CACNB2: variants seen among roughly 807,000 people sequenced by gnomAD.
CACNB2 encodes the protein calcium voltage-gated channel auxiliary subunit beta 2, also known as voltage-dependent L-type calcium channel subunit beta-2.
Under a neutral mutation model 73.3 loss-of-function variants are expected in CACNB2, and 42 were observed. The observed-to-expected ratio is 0.57, with a 90% CI of 0.45 to 0.74. CACNB2 has a LOEUF of 0.74. Ranked by LOEUF, CACNB2 falls within the 30% of genes least tolerant of loss-of-function variation. The pLI, the probability that CACNB2 is intolerant of heterozygous loss-of-function variation, is 0.00. For synonymous variants in CACNB2, 348 were observed against 310.3 expected (o/e 1.12, Z -1.28); for missense variants, 940 against 853.0 (o/e 1.10, Z -1.27).
At position 18,474,018 on chromosome 10, in the gene CACNB2, C is replaced by T. The variant is rs1028307195; in HGVS notation, c.334-24337C>T. On this transcript the variant is annotated intron_variant, in intron 3 of 13. Transcript: ENST00000324631. ...TTAAAATGCGAGGGTTGGATTTGCT[C>T]GCTAAGAGCTCTTTTATCTCTAATA... Among the ~76,000 whole-genome samples, 10 of 152,236 alleles carry T rather than the reference C, an allele frequency of 6.6e-5. No individual in the cohort carries two copies. In the East Asian group the frequency reaches 9.7e-4, roughly 15 times the overall value.
intron 2 of CACNB2, among the ~76,000 whole-genome samples, chr10:18,399,603 G>T (rs755984858): frequency 1.3e-5 from 2 of 151,958 alleles, no homozygotes; most frequent in Non-Finnish European, 2.9e-5. Context: ...GGCTGGTCTC[G>T]AACTCATGGG....
chr10:18,446,875 G>A (rs922354633), intron 3 of CACNB2, among the ~76,000 whole-genome samples: 20 of 151,976 alleles, frequency 1.3e-4, no homozygotes, highest in Non-Finnish European at 2.8e-4. Flanking sequence ...GACCATTTTG[G>A]GCAATACAGT....
chr10:18,527,621 G>T lies in CACNB2; in HGVS notation c.978G>T (p.Ser326=), dbSNP rs753506761. The T allele has an allele frequency of 6.2e-7, 1 of 1,613,860 alleles. No homozygotes were observed. The highest frequency in any genetic ancestry group is 8.5e-7 in the Non-Finnish European group (1 of 1,179,894). ...TCACAAGGGTCACCGCTGACATCTC[G>T]CTTGCCAAACGCTCGGTATTAAACA... The part of the protein sequence containing the change: ...ISITRVTADI[S]LAKRSVLNNP... Residue 326 remains serine, a synonymous_variant, in exon 10 of 14, where the codon TCG becomes TCT. Transcript: ENST00000324631.
chr10:18,360,972 T>C (rs1408653730), intron 2 of CACNB2, among the ~76,000 whole-genome samples: 1 of 152,174 alleles, frequency 6.6e-6, no homozygotes, highest in Non-Finnish European at 1.5e-5. Context: ...TGCTGACCTT[T>C]CTTTTCTGTT....
In CACNB2 at chr10:18,348,007, C is replaced by T. The variant is rs544764938; in HGVS notation, c.214-53917C>T. On this transcript the variant is annotated intron_variant, in intron 2 of 13. Transcript: ENST00000324631. ...GATATCTGGGCATTCTTTTAAAAAACGTGTATATCCACCCAAATATAACAA... is the reference window on the plus strand; with the variant it reads ...GATATCTGGGCATTCTTTTAAAAAATGTGTATATCCACCCAAATATAACAA... Among the ~76,000 whole-genome samples, 116 of 152,232 alleles carry T rather than the reference C, an allele frequency of 7.6e-4. 2 individuals are homozygous for T. Among genetic ancestry groups the T allele is most frequent in the African/African-American group, 2.8e-3 (115 of 41,538 alleles).
intron 9 of CACNB2, among the ~76,000 whole-genome samples, chr10:18,525,350 T>TG (rs546132090): frequency 6.6e-6 from 1 of 152,220 alleles, no homozygotes; most frequent in South Asian, 2.1e-4. Context: ...GGTATATACA[T>TG]GTTTTTTTCA....
At chr10:18,365,930 T>G (rs973375186) in intron 2 of CACNB2, among the ~76,000 whole-genome samples, 8 of 152,158 alleles carry the variant, frequency 5.3e-5, no homozygotes, top group African/African-American at 1.9e-4. Flanking sequence ...CTGTGGAGGG[T>G]AGGAATTCCA....
At chr10:18,291,777 A>G (rs958634264) in intron 2 of CACNB2, among the ~76,000 whole-genome samples, 22 of 152,232 alleles carry the variant, frequency 1.4e-4, no homozygotes, top group African/African-American at 1.9e-4. Context: ...TGTTGATTTT[A>G]TATCTCTTAA....
At chr10:18,489,284 G>C (rs1236125066) in intron 3 of CACNB2, among the ~76,000 whole-genome samples, 1 of 151,298 alleles carries the variant, frequency 6.6e-6, no homozygotes, top group East Asian at 1.9e-4. Context: ...CAGCTACTCA[G>C]TGGGCTGAGG....
intron 3 of CACNB2, among the ~76,000 whole-genome samples, chr10:18,453,955 A>G (rs755013683): frequency 4.6e-5 from 7 of 152,112 alleles, no homozygotes; most frequent in Non-Finnish European, 8.8e-5. Context: ...CTGTTTTTAA[A>G]CAAGTAGCAT....
At chr10:18,240,490 A>G (rs1779229) in intron 2 of CACNB2, among the ~76,000 whole-genome samples, 102,479 of 152,012 alleles carry the variant, frequency 0.67, 34,669 homozygotes, top group Admixed American at 0.74. Context: ...CAGGTCGCTC[A>G]CTATTAATCT....
chr10:18,317,817 T>C (rs1207741425), intron 2 of CACNB2, among the ~76,000 whole-genome samples: 5 of 152,194 alleles, frequency 3.3e-5, no homozygotes, highest in African/African-American at 1.2e-4. Context: ...GCTCCTCTGT[T>C]CCAGCCATTG....
At chr10:18,401,864 C>A in intron 2 of CACNB2, 60 bp from the exon 3 acceptor site, 1 of 1,585,972 alleles carries the variant, frequency 6.3e-7, no homozygotes, top group Non-Finnish European at 8.7e-7. Flanking sequence ...GTCGATGAGA[C>A]TTTTCCAATG....
At chr10:18,316,896 A>G (rs554126328) in intron 2 of CACNB2, among the ~76,000 whole-genome samples, 24 of 152,166 alleles carry the variant, frequency 1.6e-4, no homozygotes, top group Non-Finnish European at 2.6e-4. Context: ...TTGCCAACTT[A>G]CTTCATCCTT....
chr10:18,254,598 T>C (rs1287932316), intron 2 of CACNB2, among the ~76,000 whole-genome samples: 1 of 152,134 alleles, frequency 6.6e-6, no homozygotes, highest in African/African-American at 2.4e-5. Context: ...CCAGACACTT[T>C]GGTGAGAAAT....
At chr10:18,401,610 G>A (rs1047435744) in intron 2 of CACNB2, among the ~76,000 whole-genome samples, 1 of 152,124 alleles carries the variant, frequency 6.6e-6, no homozygotes, top group Non-Finnish European at 1.5e-5. Flanking sequence ...GAAACCCATC[G>A]TTGTCCTTCA....
intron 2 of CACNB2, among the ~76,000 whole-genome samples, chr10:18,382,570 C>G (rs191664306): frequency 6.6e-6 from 1 of 152,004 alleles, no homozygotes; most frequent in African/African-American, 2.4e-5. Context: ...CCCCAGTGTG[C>G]GTTGTTCCCC....
intron 2 of CACNB2, among the ~76,000 whole-genome samples, chr10:18,219,157 C>T (rs1014722230): frequency 6.7e-6 from 1 of 150,314 alleles, no homozygotes; most frequent in Non-Finnish European, 1.5e-5. Context: ...AGAGCAAGAC[C>T]CTGTCTCAAA....
chr10:18,358,869 A>C (rs2042037397), intron 2 of CACNB2, among the ~76,000 whole-genome samples: 1 of 152,194 alleles, frequency 6.6e-6, no homozygotes, highest in Non-Finnish European at 1.5e-5. Context: ...TCACAGACCA[A>C]AACATTTAAA....
Sources: gnomAD v4.1 joint callset for allele counts (sites outside exome capture counted in the v4.1 genomes callset) on GRCh38, gnomAD v4.1.1 for gene constraint, MANE v1.5 for transcripts, NCBI Gene and HGNC (gene_info 2026-07-23, HGNC 2026-07-21) for gene names.